FILIP1L: variants seen among roughly 807,000 people sequenced by gnomAD.
FILIP1L encodes filamin A-interacting protein 1-like.
Under a neutral mutation model 96.6 loss-of-function variants are expected in FILIP1L, and 55 were observed. The ratio of observed to expected loss-of-function variants is 0.57; its 90% confidence interval spans 0.46 to 0.71. FILIP1L has a LOEUF of 0.71. FILIP1L is among the 30% of genes least tolerant of loss of function. The pLI is 0.00. For synonymous variants in FILIP1L, 467 were observed against 473.9 expected (o/e 0.99, Z 0.19); for missense variants, 1,304 against 1,321.2 (o/e 0.99, Z 0.20).
intron 1 of FILIP1L, among the ~76,000 whole-genome samples, chr3:100,064,253 T>C (rs571228475): frequency 3.3e-5 from 5 of 152,244 alleles, no homozygotes; most frequent in Middle Eastern, 3.4e-3. Flanking sequence ...AAAGTAAACA[T>C]TTCATGAGCT....
chr3:99,840,486 T>A (rs1317170539), intron 5 of FILIP1L, among the ~76,000 whole-genome samples: 1 of 152,098 alleles, frequency 6.6e-6, no homozygotes, highest in Admixed American at 6.5e-5. Flanking sequence ...CCTCCCAAAG[T>A]GCTGGGATTA....
intron 1 of FILIP1L, among the ~76,000 whole-genome samples, chr3:99,977,375 A>T (rs1709002493): frequency 6.6e-6 from 1 of 152,144 alleles, no homozygotes; most frequent in Non-Finnish European, 1.5e-5. Flanking sequence ...GAATAGAGAG[A>T]TCTGAAGCAG....
chr3:99,849,701 G>A lies in FILIP1L; in HGVS notation c.1975C>T (p.Leu659=). Residue 659 remains leucine, a synonymous_variant, in exon 5 of 6, where the codon CTA becomes TTA. Coordinates refer to ENST00000477258, the MANE Select transcript of FILIP1L (RefSeq NM_001387850.1). ...CGTTCATTAGCATACCTTCGTTCTA[G>A]AGTCTCATATTCATCTTCTGTTTTC... ...LMKTEDEYET[L]ERRYANERDK... 2 of 1,613,604 alleles carry A rather than the reference G, an allele frequency of 1.2e-6. No homozygotes were observed. Among genetic ancestry groups the A allele is most frequent in the Non-Finnish European group, 1.7e-6 (2 of 1,179,952 alleles).
At chr3:99,890,715 AT>A (rs1706056545) in intron 4 of FILIP1L, among the ~76,000 whole-genome samples, 1 of 151,170 alleles carries the variant, frequency 6.6e-6, no homozygotes, top group Non-Finnish European at 1.5e-5. Context: ...TAAACTAGAA[AT>A]ACCAATCCGC....
chr3:99,931,939 C>T (rs1707494360), intron 1 of FILIP1L, among the ~76,000 whole-genome samples: 1 of 152,144 alleles, frequency 6.6e-6, no homozygotes, highest in African/African-American at 2.4e-5. Context: ...TAATTTTACT[C>T]TTTGTCCCTA....
intron 1 of FILIP1L, among the ~76,000 whole-genome samples, chr3:99,933,081 C>G (rs541295680): frequency 9.2e-5 from 14 of 152,258 alleles, no homozygotes; most frequent in Middle Eastern, 3.4e-3. Flanking sequence ...GCACGGGAAA[C>G]TTATTGAAGG....
chr3:100,012,128 A>G (rs1343120383), intron 1 of FILIP1L, among the ~76,000 whole-genome samples: 1 of 152,222 alleles, frequency 6.6e-6, no homozygotes, highest in Non-Finnish European at 1.5e-5. Flanking sequence ...TAAAAAATGC[A>G]AAATGAAATA....
At chr3:99,900,408 A>T (rs1706397217) in intron 4 of FILIP1L, among the ~76,000 whole-genome samples, 1 of 152,224 alleles carries the variant, frequency 6.6e-6, no homozygotes, top group African/African-American at 2.4e-5. Context: ...CAGCAGCCCT[A>T]TAAGGGTTAT....
chr3:99,936,724 G>A (rs1707688028), intron 1 of FILIP1L, among the ~76,000 whole-genome samples: 1 of 150,784 alleles, frequency 6.6e-6, no homozygotes, highest in Non-Finnish European at 1.5e-5. Context: ...CTAAAAAGTG[G>A]CAGAGTCAGA....
intron 1 of FILIP1L, among the ~76,000 whole-genome samples, chr3:99,943,436 G>A (rs925317697): frequency 6.6e-6 from 1 of 152,108 alleles, no homozygotes; most frequent in African/African-American, 2.4e-5. Context: ...GGGTATGGTG[G>A]CTCATGACTG....
rs1339913902 is a variant in FILIP1L, at chr3:99,848,896, G to A, written c.2780C>T (p.Pro927Leu). ...CACTGCAGTACTCGTGTAAGAGTGA[G>A]GACTCTCTGTGGTTGGACTTGTGAT... ...LEITSPTTESPHSYTSTAVIP... is the reference protein window; with the variant it reads ...LEITSPTTESLHSYTSTAVIP... Residue 927 changes from proline to leucine, a missense_variant, in exon 5 of 6, where the codon CCT becomes CTT. By Grantham distance (98) the Pro-to-Leu change is moderately conservative (BLOSUM62 -3). Coordinates refer to ENST00000477258, the MANE Select transcript of FILIP1L (RefSeq NM_001387850.1). 1.9e-6 allele frequency: 3 copies of A among 1,614,136 alleles called. No homozygotes were observed. Among genetic ancestry groups the A allele is most frequent in the Non-Finnish European group, 2.5e-6 (3 of 1,180,018 alleles).
Position 99,931,000 on chromosome 3 carries a change from A to G in FILIP1L, c.21T>C (p.Asp7=). Residue 7 remains aspartate (D), a synonymous_variant, in exon 2 of 6, where the codon GAT becomes GAC. Coordinates refer to ENST00000477258, the MANE Select transcript of FILIP1L (RefSeq NM_001387850.1). ...ATTTCTTTTGGGCTGAGCCCTCGGTATCACTGCCTCTGGAACGCATTCTTT... is the reference window on the plus strand; with the variant it reads ...ATTTCTTTTGGGCTGAGCCCTCGGTGTCACTGCCTCTGGAACGCATTCTTT... MRSRGS[D]TEGSAQKKFP... 13 of 1,613,800 alleles carry G rather than the reference A, an allele frequency of 8.1e-6. No individual in the cohort carries two copies. The highest frequency in any genetic ancestry group is 1.1e-5 in the Non-Finnish European group (13 of 1,179,914).
chr3:99,958,209 T>C (rs1452315669), intron 1 of FILIP1L, among the ~76,000 whole-genome samples: 140 of 87,874 alleles, frequency 1.6e-3, no homozygotes, highest in Admixed American at 0.011. Context: ...CATGCATTAT[T>C]ATTATTATTA....
chr3:99,909,739 C>T (rs775060026), intron 4 of FILIP1L, among the ~76,000 whole-genome samples: 2 of 152,158 alleles, frequency 1.3e-5, no homozygotes, highest in Non-Finnish European at 2.9e-5. Context: ...AAGTTGCTAT[C>T]AGTTATAGTT....
chr3:99,985,169 C>T lies in FILIP1L; in HGVS notation c.-10-54139G>A, dbSNP rs144109412. ...AAGAGAAGATTGAACAAAAAATCAT[C>T]CTAGGGGGTCAAAGGTTGTTTTAAA... On this transcript the variant is annotated intron_variant, in intron 1 of 5. Coordinates refer to ENST00000477258, the MANE Select transcript of FILIP1L (RefSeq NM_001387850.1). Among the ~76,000 whole-genome samples, 266 of 152,106 alleles carry T rather than the reference C, an allele frequency of 1.7e-3. 1 individual carries two copies. The highest frequency in any genetic ancestry group is 2.5e-3 in the Non-Finnish European group (171 of 67,966).
intron 4 of FILIP1L, among the ~76,000 whole-genome samples, chr3:99,859,070 A>G (rs764491178): frequency 6.6e-6 from 1 of 152,232 alleles, no homozygotes; most frequent in African/African-American, 2.4e-5. Context: ...AAATGACAAA[A>G]CTGTTTTCAT....
At chr3:99,896,699 AT>A (rs1443226366) in intron 4 of FILIP1L, among the ~76,000 whole-genome samples, 1 of 152,170 alleles carries the variant, frequency 6.6e-6, no homozygotes, top group Non-Finnish European at 1.5e-5. Context: ...GATAGTGTTG[AT>A]TCATTTGTTG....
chr3:100,041,055 A>G lies in FILIP1L; in HGVS notation c.-11+72998T>C, dbSNP rs760700325. ...TACAGTTAACCAAAGTTGACTCTGT[A>G]TGACCTGTTACATTTTCCTTAGACA... is the stretch of plus-strand genomic sequence containing the variant. On this transcript the variant is annotated intron_variant, in intron 1 of 5. Coordinates refer to ENST00000477258, the MANE Select transcript of FILIP1L (RefSeq NM_001387850.1). The G allele has an allele frequency of 5.9e-5, 9 of 152,244 alleles. No homozygotes were observed. In the East Asian group the frequency reaches 9.6e-4, roughly 16 times the overall value. The allele number at this position is 152,244 out of a possible 1,614,324, so 9.4% of individuals were successfully genotyped here. A position where few individuals can be genotyped will look rare whatever the true frequency, so the allele number is the denominator to read the frequency against.
intron 1 of FILIP1L, among the ~76,000 whole-genome samples, chr3:100,055,621 A>G (rs1181030421): frequency 1.3e-5 from 2 of 152,216 alleles, no homozygotes; most frequent in African/African-American, 4.8e-5. Context: ...ACCTAGATTA[A>G]AAACCACAGC....
Sources: gnomAD v4.1 joint callset for allele counts (sites outside exome capture counted in the v4.1 genomes callset) on GRCh38, gnomAD v4.1.1 for gene constraint, MANE v1.5 for transcripts, NCBI Gene and HGNC (gene_info 2026-07-23, HGNC 2026-07-21) for gene names.